MTMR9: variants seen among roughly 807,000 people sequenced by gnomAD.
The protein encoded by MTMR9 is myotubularin related protein 9, also known as myotubularin-related protein 9.
In MTMR9, 39 loss-of-function variants were observed where a neutral mutation model predicts 69.5. The ratio of observed to expected loss-of-function variants is 0.56; its 90% CI spans 0.43 to 0.73. The LOEUF is 0.73. Ranked by LOEUF, MTMR9 falls within the 30% of genes least tolerant of loss-of-function variation. The pLI is 0.00. For synonymous variants in MTMR9, 354 were observed against 240.8 expected, an observed-to-expected ratio of 1.47 and a Z score of -4.35; for missense variants, 900 against 671.2, an observed-to-expected ratio of 1.34 and a Z score of -3.77.
rs143137267 is a variant in MTMR9 at position 11,322,800 on chromosome 8, G to T, written c.*12G>T. On this transcript the variant is annotated 3_prime_UTR_variant, in exon 10 of 10. Coordinates refer to ENST00000221086, the MANE Select transcript of MTMR9 (RefSeq NM_015458.4). ...AGGAGAGTCCCTGAAAGGTCTCCTC[G>T]CACCCTTCGCAAGGACCTTCTTGGG... 4 of 1,606,198 alleles carry T rather than the reference G, an allele frequency of 2.5e-6. No individual in the cohort carries two copies. In the East Asian group the frequency reaches 8.9e-5, roughly 36 times the overall value.
chr8:11,287,980 TATATA>T (rs1799238210), intron 1 of MTMR9, among the ~76,000 whole-genome samples: 1 of 127,588 alleles, frequency 7.8e-6, no homozygotes, highest in Non-Finnish European at 1.6e-5. Flanking sequence ...ATATATGTAT[TATATA>T]ATATATATTA....
intron 6 of MTMR9, among the ~76,000 whole-genome samples, chr8:11,309,904 T>C (rs1800126014): frequency 6.6e-6 from 1 of 152,170 alleles, no homozygotes; most frequent in African/African-American, 2.4e-5. Context: ...AATATACATG[T>C]CTTCTATGAC....
At chr8:11,298,900 T>C (rs909365348) in intron 2 of MTMR9, 58 of 983,354 alleles carry the variant, frequency 5.9e-5, no homozygotes, top group Non-Finnish European at 7.0e-5. Flanking sequence ...TTGGGGCTGA[T>C]AGAGTTATTG....
chr8:11,298,518 T>G (rs755771934), intron 2 of MTMR9, among the ~76,000 whole-genome samples: 1 of 152,154 alleles, frequency 6.6e-6, no homozygotes, highest in African/African-American at 2.4e-5. Context: ...ATGTTTTTGC[T>G]ACACTGCTGA....
chr8:11,312,414 A>C (rs1247863015), intron 6 of MTMR9, among the ~76,000 whole-genome samples: 1 of 152,150 alleles, frequency 6.6e-6, no homozygotes, highest in Non-Finnish European at 1.5e-5. Context: ...TGGCACAGCC[A>C]TAGCTCATTT....
Position 11,326,935 on chromosome 8 carries a change from A to G in MTMR9, c.*4147A>G, listed in dbSNP as rs913030252. On this transcript the variant is annotated 3_prime_UTR_variant, in exon 10 of 10. Coordinates refer to ENST00000221086, the MANE Select transcript of MTMR9 (RefSeq NM_015458.4). ...CAGTGAGCCGAGATCGCACCACTGC[A>G]CTCCAGCCTGGGCGAAAGGGCAAGA... 1 of 146,310 alleles carries G rather than the reference A, an allele frequency of 6.8e-6. No individual in the cohort carries two copies. Among genetic ancestry groups the G allele is most frequent in the Non-Finnish European group, 1.5e-5 (1 of 67,328 alleles). The allele number at this position is 146,310 out of a possible 1,614,324, so 9.1% of individuals were successfully genotyped here. A position where few individuals can be genotyped will look rare whatever the true frequency, so the allele number is the denominator to read the frequency against.
chr8:11,314,821 A>G, intron 6 of MTMR9, 102 bp from the exon 7 acceptor site: 2 of 1,111,240 alleles, frequency 1.8e-6, no homozygotes, highest in South Asian at 2.9e-5. Flanking sequence ...AACTGAACTC[A>G]GTAGACTAAA....
In MTMR9 at chr8:11,309,513, C is replaced by T. The variant is rs1417226200; in HGVS notation, c.810-14C>T. ...TTCTGGGTTTGTTATTTTTTACTTT[C>T]TTACTTTTAAAAGGTATCACATTCT... On this transcript the variant is annotated splice_polypyrimidine_tract_variant and intron_variant, in intron 5 of 9. Transcript: ENST00000221086. 3.8e-6 allele frequency: 6 copies of T among 1,576,246 alleles called. No individual in the cohort carries two copies. In the African/African-American group the frequency reaches 5.5e-5, roughly 14 times the overall value.
At chr8:11,297,462 T>A (rs1799600776) in intron 2 of MTMR9, among the ~76,000 whole-genome samples, 1 of 152,158 alleles carries the variant, frequency 6.6e-6, no homozygotes, top group South Asian at 2.1e-4. Context: ...AATGTCCCAC[T>A]ATTTGGGCAT....
the MTMR9 span, among the ~76,000 whole-genome samples, chr8:11,335,552 A>G: frequency 2.6e-5 from 4 of 152,152 alleles, no homozygotes; most frequent in Non-Finnish European, 5.9e-5. Context: ...ATAGTGACAA[A>G]CTTCTTCTGA....
chr8:11,295,158 T>C, intron 1 of MTMR9, 36 bp from the exon 2 acceptor site: 1 of 1,055,440 alleles, frequency 9.5e-7, no homozygotes, highest in Non-Finnish European at 1.5e-6. Context: ...GTTAGTAATA[T>C]ATGTGTTCCT....
chr8:11,289,527 C>T (rs936555822), intron 1 of MTMR9, among the ~76,000 whole-genome samples: 12 of 151,842 alleles, frequency 7.9e-5, no homozygotes, highest in Non-Finnish European at 2.9e-5. Flanking sequence ...GTTACTACTA[C>T]TCAGTTGATG....
intron 1 of MTMR9, among the ~76,000 whole-genome samples, chr8:11,291,667 C>T (rs1429492136): frequency 1.3e-5 from 2 of 151,948 alleles, no homozygotes; most frequent in Non-Finnish European, 2.9e-5. Context: ...CTCCTCTAGT[C>T]ATTCATTATA....
intron 6 of MTMR9, among the ~76,000 whole-genome samples, 159 bp downstream of exon 6, chr8:11,309,847 T>C (rs1000589588): frequency 4.6e-5 from 7 of 152,160 alleles, no homozygotes; most frequent in African/African-American, 1.7e-4. Flanking sequence ...GTGCCTAGAG[T>C]CTGGCATTTA....
chr8:11,330,510 G>T (rs1801170900), downstream of MTMR9, among the ~76,000 whole-genome samples: 1 of 152,238 alleles, frequency 6.6e-6, no homozygotes, highest in Non-Finnish European at 1.5e-5. Context: ...AGAGAAATCA[G>T]ATTGTTGCTG....
intron 1 of MTMR9, among the ~76,000 whole-genome samples, chr8:11,292,428 G>A (rs1049975112): frequency 6.6e-6 from 1 of 152,182 alleles, no homozygotes; most frequent in African/African-American, 2.4e-5. Flanking sequence ...TTTCCAAAGT[G>A]CTTGTACCTA....
rs964985807 is a variant in MTMR9, at chr8:11,306,345, A to C, written c.747A>C (p.Gly249=). ...LNVAQQTRAK[G]GGFEQEAHYP... ...TGGCTCAGCAAACTAGAGCCAAAGG[A>C]GGTGGCTTTGAACAAGAAGCTCATT... Residue 249 remains glycine (G), a synonymous_variant, in exon 5 of 10, where the codon GGA becomes GGC. Transcript: ENST00000221086. The C allele has an allele frequency of 1.2e-6, 2 of 1,614,092 alleles. No individual in the cohort carries two copies. The highest frequency in any genetic ancestry group is 2.2e-5 in the East Asian group (1 of 44,878).
In MTMR9 at chr8:11,311,587, C is replaced by T. The variant is rs1452754597; in HGVS notation, c.971+1899C>T. 2.0e-5 allele frequency among the ~76,000 whole-genome samples: 3 copies of T among 152,286 alleles called. No individual in the cohort carries two copies. The East Asian group carries it at 5.8e-4, about 29-fold the overall frequency. On this transcript the variant is annotated intron_variant, in intron 6 of 9. Transcript: ENST00000221086. ...ATATACATACCTGAATTTAAAAATA[C>T]TTTATTGGTATTTGAGGTTATTGGC...
In MTMR9 at chr8:11,309,469, GTTTC is replaced by G. The variant is rs1800102529; in HGVS notation, c.810-54_810-51del. The G allele has an allele frequency of 1.7e-5, 25 of 1,476,036 alleles. No individual in the cohort carries two copies. The South Asian group carries it at 2.5e-4, about 15-fold the overall frequency. 91.4% of individuals were successfully genotyped at this position (1,476,036 alleles called of 1,614,324 possible). On this transcript the variant is annotated intron_variant, in intron 5 of 9. Transcript: ENST00000221086. ...TGTTGGAGGCTGAATCTTTGGTTTG[GTTTC>G]TTTATCTTTCTATTTTCTGGGTTTG...
Sources: allele counts gnomAD v4.1 joint callset (sites outside exome capture counted in the v4.1 genomes callset), GRCh38; gene constraint gnomAD v4.1.1; transcripts MANE v1.5; gene names NCBI Gene and HGNC (gene_info 2026-07-23, HGNC 2026-07-21).